PIGG: variants seen among roughly 807,000 people sequenced by gnomAD.
The protein encoded by PIGG is GPI ethanolamine phosphate transferase 2, catalytic subunit.
In PIGG, 70 loss-of-function variants were observed where a neutral mutation model predicts 83.2. The ratio of observed to expected loss-of-function variants is 0.84; its 90% confidence interval spans 0.69 to 1.03. The LOEUF is 1.03. PIGG is among the 50% of genes least tolerant of loss of function. The pLI is 0.00. For missense variants in PIGG, 1,257 were observed against 1,233.6 expected, an observed-to-expected ratio of 1.02 and a Z score of -0.28; for synonymous variants, 532 against 519.5, an observed-to-expected ratio of 1.02 and a Z score of -0.33.
intron 9 of PIGG, 59 bp from the exon 10 acceptor site, chr4:526,980 G>A (rs916731772): frequency 1.3e-6 from 2 of 1,598,824 alleles, no homozygotes; most frequent in East Asian, 2.2e-5. Context: ...GCCACTTGGT[G>A]TAGATTGATC....
chr4:503,722 C>T (rs139772780), intron 2 of PIGG, among the ~76,000 whole-genome samples: 5 of 152,198 alleles, frequency 3.3e-5, no homozygotes, highest in African/African-American at 1.2e-4. Context: ...AGATAAAATG[C>T]TTGTGTTTTC....
At chr4:533,760 C>T (rs1435506546) in intron 11 of PIGG, 58 bp from the exon 12 acceptor site, 19 of 1,533,664 alleles carry the variant, frequency 1.2e-5, no homozygotes, top group East Asian at 6.8e-5. Context: ...ACGCTAACAT[C>T]GTGGCTGTTG....
At chr4:516,828 C>T (rs1049518352) in intron 6 of PIGG, among the ~76,000 whole-genome samples, 8 of 145,754 alleles carry the variant, frequency 5.5e-5, no homozygotes, top group Admixed American at 4.2e-4. Flanking sequence ...TGCACTCCAG[C>T]CTGGCAACAG....
chr4:530,963 G>T, intron 11 of PIGG: 1 of 534,554 alleles, frequency 1.9e-6, no homozygotes, highest in South Asian at 2.8e-5. Context: ...ACAGCAGACT[G>T]CTGCTTTGCT....
At chr4:534,007 C>T (rs1370329094) in intron 12 of PIGG, 26 bp downstream of exon 12, 17 of 1,609,908 alleles carry the variant, frequency 1.1e-5, no homozygotes, top group Non-Finnish European at 1.4e-5. Flanking sequence ...GCCGTCAGCA[C>T]AGTTCTGGGG....
At position 539,649 on chromosome 4, in the gene PIGG, G is replaced by A. The variant is rs896150257; in HGVS notation, c.*280G>A. 1 of 322,852 alleles carries A rather than the reference G, an allele frequency of 3.1e-6. No homozygotes were observed. The highest frequency in any genetic ancestry group is 2.1e-5 in the African/African-American group (1 of 46,666). The allele number at this position is 322,852 out of a possible 1,614,324, so 20.0% of individuals were successfully genotyped here. A position where few individuals can be genotyped will look rare whatever the true frequency, so the allele number is the denominator to read the frequency against. ...TGTGTTTAAATCAATGAATGAAAAG[G>A]TTCTGGACTTTGTTAGAGTCCAGGA... is the stretch of plus-strand genomic sequence containing the variant. On this transcript the variant is annotated 3_prime_UTR_variant, in exon 13 of 13. Transcript: ENST00000453061.
In PIGG at chr4:523,882, C is replaced by T. The variant is rs762639311; in HGVS notation, c.2038C>T (p.His680Tyr). 25 of 1,550,780 alleles carry T rather than the reference C, an allele frequency of 1.6e-5. No homozygotes were observed. Among genetic ancestry groups the T allele is most frequent in the Non-Finnish European group, 2.1e-5 (24 of 1,144,042 alleles). Residue 680 changes from histidine (H) to tyrosine (Y), a missense_variant, in exon 9 of 13, where the codon CAC becomes TAC. Transcript: ENST00000453061. ...SLNQTGVQWA[H>Y]RPDLGHWLTS... is the part of the protein sequence containing the mutation. ...AAACCAGACAGGTGTGCAGTGGGCTCACCGGCCTGACCTCGGCCACTGGCT... is the reference window on the plus strand; with the variant it reads ...AAACCAGACAGGTGTGCAGTGGGCTTACCGGCCTGACCTCGGCCACTGGCT...
At chr4:530,236 C>T (rs1404066609) in intron 10 of PIGG, among the ~76,000 whole-genome samples, 200 bp from the exon 11 acceptor site, 1 of 152,152 alleles carries the variant, frequency 6.6e-6, no homozygotes, top group African/African-American at 2.4e-5. Flanking sequence ...GGCGGCGGCT[C>T]CTCAGGGCTG....
At position 524,014 on chromosome 4, in the gene PIGG, G is replaced by T; in HGVS notation, c.2069+101G>T. ...AAATTGAGACCATTTTTCATATTAA[G>T]AATGGGATAGTATTTGAGATCTGAA... On this transcript the variant is annotated intron_variant, in intron 9 of 12. Coordinates refer to ENST00000453061, the MANE Select transcript of PIGG (RefSeq NM_001127178.3). The T allele has an allele frequency of 1.8e-5, 13 of 716,242 alleles. No individual in the cohort carries two copies. In the South Asian group the frequency reaches 2.6e-4, roughly 14 times the overall value. 44.4% of individuals were successfully genotyped at this position (716,242 alleles called of 1,614,324 possible). A position where few individuals can be genotyped will look rare whatever the true frequency, so the allele number is the denominator to read the frequency against.
chr4:500,238 G>A (rs1326188023), intron 1 of PIGG, among the ~76,000 whole-genome samples, 158 bp from the exon 2 acceptor site: 2 of 152,096 alleles, frequency 1.3e-5, no homozygotes, highest in African/African-American at 4.8e-5. Flanking sequence ...TTTCCCCCCA[G>A]CACTACCTAC....
chr4:512,003 C>T (rs976326348), intron 5 of PIGG, among the ~76,000 whole-genome samples: 1 of 152,010 alleles, frequency 6.6e-6, no homozygotes, highest in Non-Finnish European at 1.5e-5. Flanking sequence ...ACCATTTTTG[C>T]TATAATGTAT....
At chr4:507,640 A>T (rs1553880590) in intron 4 of PIGG, 47 bp downstream of exon 4, 59 of 1,497,520 alleles carry the variant, frequency 3.9e-5, no homozygotes, top group Non-Finnish European at 5.2e-5. Flanking sequence ...TTTCACGTGG[A>T]TGTTCCCTAG....
At chr4:538,688 C>T (rs1409712239) in intron 12 of PIGG, among the ~76,000 whole-genome samples, 1 of 152,214 alleles carries the variant, frequency 6.6e-6, no homozygotes, top group Non-Finnish European at 1.5e-5. Flanking sequence ...AGACCTCTGC[C>T]CACCCCAGAC....
chr4:524,997 C>T, intron 9 of PIGG: 1 of 156,150 alleles, frequency 6.4e-6, no homozygotes, highest in East Asian at 1.9e-4. Context: ...AGTGGACAAA[C>T]ATCTAAGCCA....
rs1402526811 is a variant in PIGG at position 539,538 on chromosome 4, A to G, written c.*169A>G. The G allele has an allele frequency of 1.7e-6, 1 of 593,866 alleles. No homozygotes were observed. Among genetic ancestry groups the G allele is most frequent in the East Asian group, 2.8e-5 (1 of 35,974 alleles). The allele number at this position is 593,866 out of a possible 1,614,324, so 36.8% of individuals were successfully genotyped here. A position where few individuals can be genotyped will look rare whatever the true frequency, so the allele number is the denominator to read the frequency against. The stretch of plus-strand genomic sequence containing the variant: ...AAGATCACTTTAATATACAGTTTGT[A>G]TCATATTTTCCCCCATTGACAATCA... On this transcript the variant is annotated 3_prime_UTR_variant, in exon 13 of 13. Coordinates refer to ENST00000453061, the MANE Select transcript of PIGG (RefSeq NM_001127178.3).
chr4:536,084 CT>C (rs1730529099), intron 12 of PIGG, among the ~76,000 whole-genome samples: 1 of 152,242 alleles, frequency 6.6e-6, no homozygotes, highest in South Asian at 2.1e-4. Flanking sequence ...TGTGTTGAGG[CT>C]CTCACAGCAT....
intron 12 of PIGG, among the ~76,000 whole-genome samples, chr4:538,726 G>C (rs368025732): frequency 6.6e-6 from 1 of 152,124 alleles, no homozygotes; most frequent in African/African-American, 2.4e-5. Context: ...CTGTAGGGGG[G>C]GCTCCAGAGT....
chr4:531,702 A>G (rs1388028545), intron 11 of PIGG: 1 of 152,454 alleles, frequency 6.6e-6, no homozygotes, highest in African/African-American at 2.4e-5. Flanking sequence ...CTTCAGGTAC[A>G]ATGAGTAGGT....
At chr4:501,500 G>A in intron 2 of PIGG, 1 of 188,568 alleles carries the variant, frequency 5.3e-6, no homozygotes, top group Non-Finnish European at 1.1e-5. Context: ...TGTGAGCGTG[G>A]CATAAAGTCT....
Sources: allele counts gnomAD v4.1 joint callset (sites outside exome capture counted in the v4.1 genomes callset), GRCh38; gene constraint gnomAD v4.1.1; transcripts MANE v1.5; gene names NCBI Gene and HGNC (gene_info 2026-07-23, HGNC 2026-07-21).